Variants in MMP16 observed in about 807,000 individuals in gnomAD.
MMP16 encodes matrix metalloproteinase-16.
A neutral mutation model predicts 67.8 loss-of-function variants in MMP16; 12 were observed. The observed-to-expected ratio is 0.18, with a 90% confidence interval of 0.11 to 0.29. The LOEUF is 0.29. Among genes scored for constraint, MMP16 ranks in the 10% least tolerant of loss-of-function variants. MMP16 has a pLI of 1.00. For missense variants in MMP16, 475 were observed against 765.7 expected (o/e 0.62, Z 4.48); for synonymous variants, 249 against 255.9 (o/e 0.97, Z 0.26).
intron 4 of MMP16, among the ~76,000 whole-genome samples, chr8:88,142,010 T>C (rs896473664): frequency 2.0e-5 from 3 of 151,682 alleles, no homozygotes; most frequent in African/African-American, 7.3e-5. Flanking sequence ...CTCCACCTCC[T>C]GGGTTCAAGC....
At chr8:88,138,421 T>A in intron 4 of MMP16, among the ~76,000 whole-genome samples, 1 of 152,044 alleles carries the variant, frequency 6.6e-6, no homozygotes, top group East Asian at 1.9e-4. Context: ...GAAGACTATT[T>A]TGTGTTTCAG....
rs906816535 is a variant in MMP16, at chr8:88,032,847, A to G, written c.*8614T>C. ...TCTTTCCTTGCACACAGAAGACTAC[A>G]TATTATCAAGAACTTAATGAAATAG... On this transcript the variant is annotated 3_prime_UTR_variant, in exon 10 of 10. Coordinates refer to ENST00000286614, the MANE Select transcript of MMP16 (RefSeq NM_005941.5). 6.6e-6 allele frequency: 1 copy of G among 152,128 alleles called. No homozygotes were observed. The highest frequency in any genetic ancestry group is 6.6e-5 in the Admixed American group (1 of 15,252). 9.4% of individuals were successfully genotyped at this position (152,128 alleles called of 1,614,324 possible).
intron 7 of MMP16, among the ~76,000 whole-genome samples, chr8:88,059,753 G>A (rs1388951415): frequency 6.6e-5 from 10 of 151,948 alleles, no homozygotes; most frequent in Admixed American, 6.6e-4. Flanking sequence ...AGTAAGCTAT[G>A]GAGACATGGC....
intron 6 of MMP16, among the ~76,000 whole-genome samples, chr8:88,080,040 G>T (rs1008376672): frequency 3.9e-5 from 6 of 152,164 alleles, no homozygotes; most frequent in Admixed American, 3.9e-4. Context: ...TGACTTCACA[G>T]CACTTACACA....
At chr8:88,311,937 T>TA (rs1261302110) in intron 1 of MMP16, among the ~76,000 whole-genome samples, 4 of 152,096 alleles carry the variant, frequency 2.6e-5, no homozygotes, top group African/African-American at 9.7e-5. Context: ...AGACTTAAGA[T>TA]ATACATTAGA....
chr8:88,098,884 A>G (rs1809080931), intron 6 of MMP16, among the ~76,000 whole-genome samples: 1 of 151,910 alleles, frequency 6.6e-6, no homozygotes, highest in Non-Finnish European at 1.5e-5. Context: ...TGATAAAACT[A>G]TATGATCACT....
intron 1 of MMP16, among the ~76,000 whole-genome samples, chr8:88,238,406 C>A (rs560011887): frequency 6.6e-6 from 1 of 151,982 alleles, no homozygotes; most frequent in Non-Finnish European, 1.5e-5. Context: ...ATCTGTAATC[C>A]CAGCATTTTG....
chr8:88,214,134 G>A (rs1809552213), intron 1 of MMP16, among the ~76,000 whole-genome samples: 1 of 152,114 alleles, frequency 6.6e-6, no homozygotes, highest in Admixed American at 6.6e-5. Flanking sequence ...TATAGCTCAA[G>A]ATGAACTCTC....
chr8:88,180,627 C>T (rs1808964526), intron 3 of MMP16, among the ~76,000 whole-genome samples: 1 of 151,748 alleles, frequency 6.6e-6, no homozygotes, highest in Admixed American at 6.6e-5. Context: ...AGCAAGAAAA[C>T]ATGTTACTAA....
In MMP16 at chr8:88,207,463, C is replaced by T. The variant is rs191948704; in HGVS notation, c.133-10157G>A. On this transcript the variant is annotated intron_variant, in intron 1 of 9. Coordinates refer to ENST00000286614, the MANE Select transcript of MMP16 (RefSeq NM_005941.5). ...AAAAAGTGATCTCTTGCAGTTCTCA[C>T]GTATTTTTATTGTGTTTACTGCAAT... is the stretch of plus-strand genomic sequence containing the variant. Among the ~76,000 whole-genome samples the T allele has an allele frequency of 4.0e-3, 603 of 152,202 alleles. 4 individuals are homozygous for T. The highest frequency in any genetic ancestry group is 7.0e-3 in the Non-Finnish European group (476 of 68,010).
chr8:88,166,639 G>A (rs1808714942), intron 4 of MMP16, among the ~76,000 whole-genome samples: 1 of 122,008 alleles, frequency 8.2e-6, no homozygotes, highest in African/African-American at 3.0e-5. Context: ...CATCAGATTG[G>A]GAGACCAATG....
At chr8:88,259,384 C>G (rs1231227484) in intron 1 of MMP16, among the ~76,000 whole-genome samples, 1 of 152,098 alleles carries the variant, frequency 6.6e-6, no homozygotes, top group African/African-American at 2.4e-5. Context: ...AATGTTCATA[C>G]ACTGGTGAGG....
chr8:88,071,341 T>C (rs1808550385), intron 7 of MMP16, among the ~76,000 whole-genome samples: 1 of 152,120 alleles, frequency 6.6e-6, no homozygotes, highest in Non-Finnish European at 1.5e-5. Flanking sequence ...GGTTAATACC[T>C]TTAGGTATAA....
intron 6 of MMP16, among the ~76,000 whole-genome samples, chr8:88,086,044 A>T (rs1808828326): frequency 6.6e-6 from 1 of 151,872 alleles, no homozygotes; most frequent in South Asian, 2.1e-4. Flanking sequence ...ATAAACAATA[A>T]ATCATAAAAA....
chr8:88,225,714 A>G (rs1440818807), intron 1 of MMP16, among the ~76,000 whole-genome samples: 1 of 151,740 alleles, frequency 6.6e-6, no homozygotes, highest in Non-Finnish European at 1.5e-5. Flanking sequence ...ATAAATATTT[A>G]AAAGTTTTGA....
chr8:88,174,606 A>G (rs1378729939), intron 3 of MMP16, among the ~76,000 whole-genome samples: 1 of 152,186 alleles, frequency 6.6e-6, no homozygotes, highest in African/African-American at 2.4e-5. Flanking sequence ...AATCATTTAA[A>G]ACATTAGATT....
At chr8:88,326,132 T>C (rs571570219) in intron 1 of MMP16, among the ~76,000 whole-genome samples, 1 of 152,344 alleles carries the variant, frequency 6.6e-6, no homozygotes, top group African/African-American at 2.4e-5. Flanking sequence ...AAGAAGTAAA[T>C]GTTACTAAGA....
chr8:88,080,771 GGA>G (rs948958763), intron 6 of MMP16, among the ~76,000 whole-genome samples: 3 of 152,066 alleles, frequency 2.0e-5, no homozygotes, highest in African/African-American at 7.2e-5. Flanking sequence ...ATGTGGGCGT[GGA>G]GAGTGTCTGG....
At chr8:88,221,427 G>A (rs1226428586) in intron 1 of MMP16, among the ~76,000 whole-genome samples, 1 of 151,954 alleles carries the variant, frequency 6.6e-6, no homozygotes, top group Non-Finnish European at 1.5e-5. Flanking sequence ...AGGATCACCA[G>A]ATAATTGAAG....
Sources: gnomAD v4.1 joint callset for allele counts (sites outside exome capture counted in the v4.1 genomes callset) on GRCh38, gnomAD v4.1.1 for gene constraint, MANE v1.5 for transcripts, NCBI Gene and HGNC (gene_info 2026-07-23, HGNC 2026-07-21) for gene names.